Variants in DDX59 observed in about 807,000 individuals in gnomAD.
The protein encoded by DDX59 is DEAD-box helicase 59.
In DDX59, 30 loss-of-function variants were observed where a neutral mutation model predicts 51.9. The ratio of observed to expected loss-of-function variants is 0.58; its 90% CI spans 0.43 to 0.78. The LOEUF (loss-of-function observed/expected upper bound fraction) is 0.78. Ranked by LOEUF, DDX59 falls within the 30% of genes least tolerant of loss-of-function variation. The pLI, the probability that DDX59 is intolerant of heterozygous loss-of-function variation, is 0.00. For missense variants in DDX59, 672 were observed against 730.8 expected (o/e 0.92, Z 0.93); for synonymous variants, 255 against 253.3 (o/e 1.01, Z -0.06).
At chr1:200,662,406 G>GT (rs756774474) in intron 3 of DDX59, among the ~76,000 whole-genome samples, 1 of 152,168 alleles carries the variant, frequency 6.6e-6, no homozygotes, top group Non-Finnish European at 1.5e-5. Context: ...TAAAAAATGT[G>GT]TGCTTTGGGA....
intron 6 of DDX59, 143 bp downstream of exon 6, chr1:200,648,931 A>T: frequency 1.2e-6 from 1 of 855,272 alleles, no homozygotes; most frequent in Admixed American, 3.5e-5. Flanking sequence ...GAGAACATTA[A>T]CTTCATGGTA....
At chr1:200,662,940 C>T (rs1382451975) in intron 3 of DDX59, among the ~76,000 whole-genome samples, 2 of 152,124 alleles carry the variant, frequency 1.3e-5, no homozygotes, top group Non-Finnish European at 2.9e-5. Context: ...GGAGGTCCAC[C>T]TTAAAAAATC....
At chr1:200,643,410 G>A (rs1431654411), downstream of DDX59, among the ~76,000 whole-genome samples, 1 of 152,172 alleles carries the variant, frequency 6.6e-6, no homozygotes, top group Non-Finnish European at 1.5e-5. Context: ...TTAGGAGGCC[G>A]AGGCAGGCGG....
rs142369437 is a variant in DDX59, at chr1:200,648,532, G to A, written c.1503C>T (p.Ser501=). ...CTAGGCCTCGTCCCAAGACTCCTGT[G>A]CTCACTACAACTTCATAGTCTCCTT... ...LLEGDYEVVV[S]TGVLGRGLDL... The change falls in exon 7 of 8, where the codon AGC becomes AGT. Residue 501 remains serine (S), a synonymous_variant. Coordinates refer to ENST00000331314, the MANE Select transcript of DDX59 (RefSeq NM_001031725.6). 2.5e-6 allele frequency: 4 copies of A among 1,613,926 alleles called. No individual in the cohort carries two copies. In the African/African-American group the frequency reaches 4.0e-5, roughly 16 times the overall value.
chr1:200,641,724 G>A (rs559362941), downstream of DDX59, among the ~76,000 whole-genome samples: 1 of 151,414 alleles, frequency 6.6e-6, no homozygotes, highest in African/African-American at 2.4e-5. Flanking sequence ...CAAAAATTAG[G>A]CTGTGTGTGG....
chr1:200,642,541 C>T (rs947095485), downstream of DDX59, among the ~76,000 whole-genome samples: 5 of 152,162 alleles, frequency 3.3e-5, no homozygotes, highest in African/African-American at 1.2e-4. Flanking sequence ...GAAACCACTG[C>T]ATTGCTGCAC....
In DDX59 at chr1:200,649,056, G is replaced by C; in HGVS notation, c.1467+18C>G. 1 of 1,539,476 alleles carries C rather than the reference G, an allele frequency of 6.5e-7. No homozygotes were observed. The highest frequency in any genetic ancestry group is 1.3e-5 in the South Asian group (1 of 77,828). On this transcript the variant is annotated intron_variant, in intron 6 of 7. Coordinates refer to ENST00000331314, the MANE Select transcript of DDX59 (RefSeq NM_001031725.6). ...ACAGATTTATAGAAAACAGAATATA[G>C]AATATTGGGTGTCAAACCTTCAATA...
chr1:200,661,105 G>C (rs934615939), intron 3 of DDX59, among the ~76,000 whole-genome samples: 5 of 152,166 alleles, frequency 3.3e-5, no homozygotes, highest in Non-Finnish European at 4.4e-5. Context: ...TGTAAGTATG[G>C]AACATCTTCT....
In DDX59 at chr1:200,666,608, C is replaced by G. The variant is rs1662775897; in HGVS notation, c.133G>C (p.Val45Leu). The G allele has an allele frequency of 6.2e-7, 1 of 1,614,224 alleles. No homozygotes were observed. The highest frequency in any genetic ancestry group is 1.3e-5 in the African/African-American group (1 of 75,056). ...DKSRDVPVDA[V>L]ATEAATIDRH... ...TCTATTGTGGCTGCTTCTGTAGCTA[C>G]AGCATCAACGGGAACATCTCTGCTT... The change falls in exon 2 of 8, where the codon GTA becomes CTA. Residue 45 changes from valine (V) to leucine (L), a missense_variant. Physicochemically the swap from Val to Leu is conservative, Grantham distance 32. Coordinates refer to ENST00000331314, the MANE Select transcript of DDX59 (RefSeq NM_001031725.6).
chr1:200,668,288 A>G (rs1662918258), intron 1 of DDX59, among the ~76,000 whole-genome samples: 1 of 151,018 alleles, frequency 6.6e-6, no homozygotes, highest in Non-Finnish European at 1.5e-5. Flanking sequence ...AGCCTGGGCA[A>G]CAGAGCAAGA....
intron 4 of DDX59, among the ~76,000 whole-genome samples, chr1:200,657,039 C>G (rs1571632893): frequency 6.6e-6 from 1 of 151,918 alleles, no homozygotes; most frequent in Non-Finnish European, 1.5e-5. Context: ...CACTTGAGGC[C>G]AGGAATTTGA....
intron 7 of DDX59, among the ~76,000 whole-genome samples, chr1:200,645,098 T>C (rs901909267): frequency 1.3e-5 from 2 of 152,136 alleles, no homozygotes; most frequent in African/African-American, 4.8e-5. Flanking sequence ...ACTTGTGTTT[T>C]AGTTATACCT....
chr1:200,657,621 C>T (rs7517557), intron 4 of DDX59, among the ~76,000 whole-genome samples: 111,111 of 151,674 alleles, frequency 0.73, 41,798 homozygotes, highest in Non-Finnish European at 0.84. Flanking sequence ...TGGAGGCGGG[C>T]GCCTGTAGTC....
chr1:200,667,697 A>C (rs555430244), intron 1 of DDX59, among the ~76,000 whole-genome samples: 1 of 152,324 alleles, frequency 6.6e-6, no homozygotes, highest in African/African-American at 2.4e-5. Flanking sequence ...TCAAAGCCAC[A>C]AATCATAGAG....
intron 6 of DDX59, among the ~76,000 whole-genome samples, chr1:200,648,813 G>T (rs1661461686): frequency 6.6e-6 from 1 of 152,130 alleles, no homozygotes; most frequent in African/African-American, 2.4e-5. Flanking sequence ...CCCTGCTCTA[G>T]TCCAAACTGA....
At chr1:200,645,132 G>A (rs1201354978) in intron 7 of DDX59, among the ~76,000 whole-genome samples, 1 of 152,104 alleles carries the variant, frequency 6.6e-6, no homozygotes, top group African/African-American at 2.4e-5. Flanking sequence ...TGGGGGTAAT[G>A]ACATAAAGAT....
downstream of DDX59, among the ~76,000 whole-genome samples, chr1:200,642,173 C>A (rs2102821086): frequency 6.6e-6 from 1 of 152,196 alleles, no homozygotes; most frequent in South Asian, 2.1e-4. Flanking sequence ...GGCAATAAAG[C>A]AACCAATTCA....
chr1:200,644,374 G>T lies in DDX59; in HGVS notation c.1740C>A (p.Tyr580Ter), dbSNP rs1156773533. The T allele has an allele frequency of 6.2e-7, 1 of 1,613,818 alleles. No homozygotes were observed. Among genetic ancestry groups the T allele is most frequent in the South Asian group, 1.1e-5 (1 of 91,026 alleles). Reference protein sequence around the residue: ...ILPPQLLNSPYLHDQKRKEQQ... With the variant: ...ILPPQLLNSP ...GTTCCTTTCTCTTCTGGTCATGAAG[G>T]TATGGGGAATTTAATAACTGAGGGG... is the stretch of plus-strand genomic sequence containing the variant. The change falls in exon 8 of 8, where the codon TAC (tyrosine) becomes TAA (stop). Residue 580 changes from tyrosine to a stop codon, truncating the protein, a stop_gained. Transcript: ENST00000331314. LOFTEE classifies it high-confidence loss of function.
chr1:200,659,205 C>T (rs902453786), intron 3 of DDX59, 89 bp from the exon 4 acceptor site: 1 of 976,342 alleles, frequency 1.0e-6, no homozygotes, highest in Non-Finnish European at 1.6e-6. Flanking sequence ...CTAATATGTA[C>T]CAGACACTGT....
Sources: gnomAD v4.1 joint callset for allele counts (sites outside exome capture counted in the v4.1 genomes callset) on GRCh38, gnomAD v4.1.1 for gene constraint, MANE v1.5 for transcripts, NCBI Gene and HGNC (gene_info 2026-07-23, HGNC 2026-07-21) for gene names.